OTOGL: variants seen among roughly 807,000 people sequenced by gnomAD.
The protein encoded by OTOGL is otogelin like.
Under a neutral mutation model 318.5 loss-of-function variants are expected in OTOGL, and 285 were observed. The observed-to-expected ratio is 0.89, with a 90% CI of 0.81 to 0.99. The LOEUF is 0.99. Ranked by LOEUF, OTOGL falls within the 50% of genes least tolerant of loss-of-function variation. The pLI, the probability that OTOGL is intolerant of heterozygous loss-of-function variation, is 0.00. For synonymous variants in OTOGL, 987 were observed against 936.5 expected, an observed-to-expected ratio of 1.05 and a Z score of -0.99; for missense variants, 2,899 against 2,845.6, an observed-to-expected ratio of 1.02 and a Z score of -0.43.
At chr12:80,164,782 G>T (rs1442161156) in intron 1 of OTOGL, among the ~76,000 whole-genome samples, 1 of 152,098 alleles carries the variant, frequency 6.6e-6, no homozygotes, top group East Asian at 1.9e-4. Flanking sequence ...AGATGACCCA[G>T]TGTACTAGTT....
chr12:80,211,885 G>A, intron 3 of OTOGL, 64 bp from the exon 4 acceptor site: 3 of 1,312,414 alleles, frequency 2.3e-6, no homozygotes, highest in Non-Finnish European at 3.2e-6. Context: ...CTCTCTCTTG[G>A]GAAAGGCTTG....
At chr12:80,104,417 C>T (rs773253813) in intron 1 of OTOGL, among the ~76,000 whole-genome samples, 43 of 152,138 alleles carry the variant, frequency 2.8e-4, no homozygotes, top group Non-Finnish European at 4.3e-4. Context: ...CTGCCTCAGA[C>T]GAATTAAATT....
chr12:80,170,735 T>A (rs1423607709), intron 1 of OTOGL, among the ~76,000 whole-genome samples: 1 of 152,038 alleles, frequency 6.6e-6, no homozygotes, highest in Non-Finnish European at 1.5e-5. Flanking sequence ...TGCCCAGCCT[T>A]CTTTTCTTAT....
chr12:80,178,866 C>T (rs1874720817), intron 1 of OTOGL, among the ~76,000 whole-genome samples: 2 of 152,148 alleles, frequency 1.3e-5, no homozygotes, highest in Non-Finnish European at 2.9e-5. Flanking sequence ...AGCTACTTCT[C>T]ACTGCCTAGT....
chr12:80,105,244 G>A (rs773152294), intron 1 of OTOGL, among the ~76,000 whole-genome samples: 3 of 152,150 alleles, frequency 2.0e-5, no homozygotes, highest in Non-Finnish European at 2.9e-5. Flanking sequence ...GTAAGTGTGA[G>A]TTTAAAACAT....
At chr12:80,276,676 G>C (rs1883832831) in intron 24 of OTOGL, among the ~76,000 whole-genome samples, 1 of 151,546 alleles carries the variant, frequency 6.6e-6, no homozygotes, top group Admixed American at 6.6e-5. Context: ...AAGTTTGGGA[G>C]GGCCAAGGTG....
chr12:80,232,464 T>G (rs989371241), intron 8 of OTOGL, among the ~76,000 whole-genome samples: 4 of 152,216 alleles, frequency 2.6e-5, no homozygotes, highest in African/African-American at 9.6e-5. Flanking sequence ...TTTTGATGAT[T>G]GTCTTTGCTT....
At chr12:80,204,576 C>T (rs1592543503) in intron 1 of OTOGL, among the ~76,000 whole-genome samples, 1 of 152,070 alleles carries the variant, frequency 6.6e-6, no homozygotes, top group East Asian at 1.9e-4. Context: ...TATAAAGTAA[C>T]CTAGAAAATA....
Position 80,336,954 on chromosome 12 carries a change from A to T in OTOGL, c.4810A>T (p.Asn1604Tyr). 3 of 1,596,230 alleles carry T rather than the reference A, an allele frequency of 1.9e-6. No individual in the cohort carries two copies. The highest frequency in any genetic ancestry group is 1.3e-5 in the African/African-American group (1 of 74,684). Reference protein sequence around the residue: ...RISGLCFKKLNVTTPIHKIIV... With the variant: ...RISGLCFKKLYVTTPIHKIIV... ...CTCTGGACTTTGTTTTAAGAAGTTA[A>T]ATGTGACAACACCCATACATAAAAT... Residue 1604 changes from asparagine to tyrosine, a missense_variant, in exon 42 of 59, where the codon AAT (asparagine) becomes TAT (tyrosine). Asn to Tyr is a moderately radical substitution (Grantham distance 143). Around this residue, in one of 3 missense-constraint regions of OTOGL, gnomAD observed 2,607 missense variants for 2,524.9 expected, o/e 1.03. Coordinates refer to ENST00000547103, the MANE Select transcript of OTOGL (RefSeq NM_001378609.3).
intron 6 of OTOGL, among the ~76,000 whole-genome samples, chr12:80,221,553 G>A (rs1878340432): frequency 6.6e-6 from 1 of 152,016 alleles, no homozygotes; most frequent in African/African-American, 2.4e-5. Flanking sequence ...ACAGGTACAA[G>A]CCACCACACC....
intron 1 of OTOGL, among the ~76,000 whole-genome samples, chr12:80,164,644 T>C (rs1873722385): frequency 6.6e-6 from 1 of 152,154 alleles, no homozygotes; most frequent in African/African-American, 2.4e-5. Flanking sequence ...TCTAATCCAT[T>C]GCAGTCATTA....
chr12:80,234,960 A>T (rs535194238), intron 9 of OTOGL, among the ~76,000 whole-genome samples: 59 of 152,324 alleles, frequency 3.9e-4, no homozygotes, highest in African/African-American at 1.4e-3. Flanking sequence ...TAGTACTGGG[A>T]TCATCTCGAA....
chr12:80,219,978 C>G, intron 6 of OTOGL, 66 bp downstream of exon 6: 1 of 1,188,112 alleles, frequency 8.4e-7, no homozygotes. Flanking sequence ...GCATAATTTG[C>G]TATAATAATG....
At chr12:80,339,294 G>GTA in intron 43 of OTOGL, 30 bp downstream of exon 43, 7 of 578,506 alleles carry the variant, frequency 1.2e-5, no homozygotes, top group Non-Finnish European at 1.8e-5. Flanking sequence ...TCTTGATTTC[G>GTA]TCTGTTTTTT....
intron 1 of OTOGL, among the ~76,000 whole-genome samples, chr12:80,148,640 G>T (rs933686291): frequency 6.6e-5 from 10 of 152,136 alleles, no homozygotes; most frequent in Non-Finnish European, 1.3e-4. Context: ...ATAATATCCT[G>T]CAGAGTGTTT....
intron 1 of OTOGL, among the ~76,000 whole-genome samples, chr12:80,109,806 G>A (rs1306168461): frequency 1.3e-5 from 2 of 152,012 alleles, no homozygotes; most frequent in East Asian, 3.9e-4. Context: ...TTTTAGATAT[G>A]AAAGTGAATA....
intron 12 of OTOGL, 116 bp downstream of exon 12, chr12:80,251,915 A>T: frequency 8.4e-7 from 1 of 1,186,096 alleles, no homozygotes. Context: ...TGTTATTGAG[A>T]TATCCATGAA....
chr12:80,215,459 G>C (rs758346666), intron 4 of OTOGL, among the ~76,000 whole-genome samples: 6 of 151,936 alleles, frequency 3.9e-5, no homozygotes, highest in Non-Finnish European at 5.9e-5. Context: ...GAGCCACCGC[G>C]CCCGGCCTGC....
intron 1 of OTOGL, among the ~76,000 whole-genome samples, chr12:80,144,286 A>T (rs1210500820): frequency 6.6e-6 from 1 of 151,424 alleles, no homozygotes; most frequent in Non-Finnish European, 1.5e-5. Flanking sequence ...ATTCCCACCT[A>T]TGAGTGAGAA....
Sources: allele counts gnomAD v4.1 joint callset (sites outside exome capture counted in the v4.1 genomes callset), GRCh38; gene constraint gnomAD v4.1.1; regional missense constraint gnomAD v4.1.1; transcripts MANE v1.5; gene names NCBI Gene and HGNC (gene_info 2026-07-23, HGNC 2026-07-21).